The following TEKT1 variants were observed in gnomAD, a reference collection of about 807,000 sequenced individuals.
The protein encoded by TEKT1 is tektin-1.
Under a neutral mutation model 34.8 loss-of-function variants are expected in TEKT1, and 32 were observed. The ratio of observed to expected loss-of-function variants is 0.92; its 90% CI spans 0.69 to 1.23. The LOEUF (loss-of-function observed/expected upper bound fraction) is 1.23, where lower values mean the gene tolerates loss of function less well. Among genes scored for constraint, TEKT1 ranks in the 50% most tolerant of loss-of-function variants. TEKT1 has a pLI of 0.00. For synonymous variants in TEKT1, 207 were observed against 199.8 expected (o/e 1.04, Z -0.30); for missense variants, 492 against 518.5 (o/e 0.95, Z 0.50).
chr17:6,800,492 C>T (rs1359046221), intron 7 of TEKT1, among the ~76,000 whole-genome samples: 2 of 152,236 alleles, frequency 1.3e-5, no homozygotes, highest in African/African-American at 4.8e-5. Flanking sequence ...TTATGAAATG[C>T]TGATGTTTAA....
intron 2 of TEKT1, among the ~76,000 whole-genome samples, chr17:6,822,336 T>C (rs1597793084): frequency 1.3e-5 from 2 of 152,236 alleles, no homozygotes; most frequent in South Asian, 2.1e-4. Context: ...AGGGTCTCTC[T>C]GTGTTGCCAA....
intron 5 of TEKT1, among the ~76,000 whole-genome samples, chr17:6,813,845 C>T (rs915908284): frequency 7.9e-5 from 12 of 152,082 alleles, no homozygotes; most frequent in East Asian, 5.8e-4. Context: ...GTAATCCCCT[C>T]GCCTTGAGTA....
intron 2 of TEKT1, among the ~76,000 whole-genome samples, chr17:6,829,939 A>T (rs1191668366): frequency 6.6e-6 from 1 of 152,200 alleles, no homozygotes; most frequent in Non-Finnish European, 1.5e-5. Context: ...TAGTACATAG[A>T]TGCCCATAGA....
At chr17:6,813,197 G>C (rs1007205375) in intron 5 of TEKT1, 144 bp from the exon 6 acceptor site, 2 of 698,176 alleles carry the variant, frequency 2.9e-6, no homozygotes, top group East Asian at 5.5e-5. Flanking sequence ...TGGTCTGTCA[G>C]TATCAATAGC....
At chr17:6,820,565 A>G (rs551783378) in intron 2 of TEKT1, among the ~76,000 whole-genome samples, 1 of 152,206 alleles carries the variant, frequency 6.6e-6, no homozygotes, top group East Asian at 1.9e-4. Context: ...TGATTCCTTC[A>G]GTTTCTTTAT....
At chr17:6,825,101 C>G (rs1168002616) in intron 2 of TEKT1, among the ~76,000 whole-genome samples, 1 of 152,028 alleles carries the variant, frequency 6.6e-6, no homozygotes, top group Non-Finnish European at 1.5e-5. Context: ...GGGAAAGAAG[C>G]ATCCATAATA....
chr17:6,821,197 G>A (rs1433000197), intron 2 of TEKT1, among the ~76,000 whole-genome samples: 1 of 152,052 alleles, frequency 6.6e-6, no homozygotes. Context: ...ATATGGTTTG[G>A]CTCTGTGTCC....
intron 6 of TEKT1, 30 bp from the exon 7 acceptor site, chr17:6,800,973 C>A: frequency 6.3e-7 from 1 of 1,583,730 alleles, no homozygotes; most frequent in Non-Finnish European, 8.6e-7. Context: ...TAGGTGAGGC[C>A]AAGCTGTGCT....
At chr17:6,822,643 T>C (rs1243354608) in intron 2 of TEKT1, among the ~76,000 whole-genome samples, 1 of 152,202 alleles carries the variant, frequency 6.6e-6, no homozygotes, top group Non-Finnish European at 1.5e-5. Context: ...ATGTTCTCTT[T>C]TTTAAAGACT....
At chr17:6,826,236 C>T (rs952907727) in intron 2 of TEKT1, among the ~76,000 whole-genome samples, 14 of 152,132 alleles carry the variant, frequency 9.2e-5, no homozygotes, top group African/African-American at 3.4e-4. Context: ...TGTTCGTCGG[C>T]TGTTTGAATG....
chr17:6,813,589 CACAT>C (rs1262491385), intron 5 of TEKT1, among the ~76,000 whole-genome samples: 2 of 142,750 alleles, frequency 1.4e-5, no homozygotes, highest in East Asian at 2.2e-4. Flanking sequence ...CACACACACA[CACAT>C]ATCTAGTATA....
intron 3 of TEKT1, among the ~76,000 whole-genome samples, chr17:6,818,377 T>G (rs1040544610): frequency 1.3e-5 from 2 of 152,098 alleles, no homozygotes; most frequent in African/African-American, 4.8e-5. Context: ...AGAACCCAGG[T>G]CTGGAAACCA....
intron 2 of TEKT1, among the ~76,000 whole-genome samples, chr17:6,824,041 C>T (rs1904332390): frequency 6.6e-6 from 1 of 152,054 alleles, no homozygotes; most frequent in Non-Finnish European, 1.5e-5. Context: ...CCAGGATGGT[C>T]TTGATCTCCT....
chr17:6,810,114 A>G (rs1976907266), intron 6 of TEKT1, among the ~76,000 whole-genome samples: 1 of 152,206 alleles, frequency 6.6e-6, no homozygotes, highest in Admixed American at 6.5e-5. Context: ...TCAATGAATG[A>G]GAGTTCCTGT....
intron 2 of TEKT1, among the ~76,000 whole-genome samples, chr17:6,827,428 AT>A (rs1171705295): frequency 6.6e-6 from 1 of 151,436 alleles, no homozygotes; most frequent in Non-Finnish European, 1.5e-5. Context: ...TGCCCAGCTA[AT>A]TTTTTTGTAC....
intron 2 of TEKT1, among the ~76,000 whole-genome samples, chr17:6,828,240 G>A (rs976554625): frequency 1.3e-5 from 2 of 152,020 alleles, no homozygotes; most frequent in African/African-American, 4.8e-5. Context: ...CACCATGCCC[G>A]GGCGCCTTCT....
Position 6,826,964 on chromosome 17 carries a change from T to A in TEKT1, c.190+3223A>T, listed in dbSNP as rs531120647. ...CCCGCCTTGGCCTCCCAAAGTGCTG[T>A]GATTACAGGTGTAAGCCACGGCGCC... is the stretch of plus-strand genomic sequence containing the variant. On this transcript the variant is annotated intron_variant, in intron 2 of 7. Coordinates refer to ENST00000338694, the MANE Select transcript of TEKT1 (RefSeq NM_053285.2). Among the ~76,000 whole-genome samples, 4 of 152,170 alleles carry A rather than the reference T, an allele frequency of 2.6e-5. No individual in the cohort carries two copies. The East Asian group carries it at 5.8e-4, about 22-fold the overall frequency.
At chr17:6,827,720 C>G (rs1253718357) in intron 2 of TEKT1, among the ~76,000 whole-genome samples, 1 of 152,140 alleles carries the variant, frequency 6.6e-6, no homozygotes, top group African/African-American at 2.4e-5. Flanking sequence ...GTTTTCCAAT[C>G]CATTAACTCA....
chr17:6,822,494 C>A (rs1977107229), intron 2 of TEKT1, among the ~76,000 whole-genome samples: 1 of 152,140 alleles, frequency 6.6e-6, no homozygotes, highest in African/African-American at 2.4e-5. Context: ...CCAGACTGAT[C>A]CTCTAATTTT....
Sources: gnomAD v4.1 joint callset for allele counts (sites outside exome capture counted in the v4.1 genomes callset) on GRCh38, gnomAD v4.1.1 for gene constraint, MANE v1.5 for transcripts, NCBI Gene and HGNC (gene_info 2026-07-23, HGNC 2026-07-21) for gene names.